The following BRAF variants were observed in gnomAD, a reference collection of about 807,000 sequenced individuals.
BRAF encodes B-Raf proto-oncogene, serine/threonine kinase, also known as serine/threonine-protein kinase B-raf.
Under a neutral mutation model 104.6 loss-of-function variants are expected in BRAF, and 16 were observed. The observed-to-expected ratio is 0.15, with a 90% CI of 0.10 to 0.23. BRAF has a LOEUF of 0.23. BRAF is among the 10% of genes least tolerant of loss of function. The pLI is 1.00. For missense variants in BRAF, 541 were observed against 937.3 expected (o/e 0.58, Z 5.52); for synonymous variants, 310 against 341.6 (o/e 0.91, Z 1.02).
intron 1 of BRAF, among the ~76,000 whole-genome samples, chr7:140,902,459 C>T (rs1219892784): frequency 6.6e-6 from 1 of 152,150 alleles, no homozygotes; most frequent in Non-Finnish European, 1.5e-5. Context: ...TCTAAGTGTT[C>T]AAGTGAAACC....
At position 140,719,706 on chromosome 7, in the gene BRAF, T is replaced by C; in HGVS notation, c.*6788A>G. 1 of 1,061,164 alleles carries C rather than the reference T, an allele frequency of 9.4e-7. No homozygotes were observed. The allele number at this position is 1,061,164 out of a possible 1,614,324, so 65.7% of individuals were successfully genotyped here. A position where few individuals can be genotyped will look rare whatever the true frequency, so the allele number is the denominator to read the frequency against. On this transcript the variant is annotated 3_prime_UTR_variant, in exon 20 of 20. Coordinates refer to ENST00000644969, the MANE Select transcript of BRAF (RefSeq NM_001374258.1). ...CCATTTGACTGAAAATAAATGTCTT[T>C]TTTATGAATTGAAAAATAAGCTTTA...
chr7:140,870,649 C>CT (rs33997496), intron 1 of BRAF, among the ~76,000 whole-genome samples: 31,839 of 149,398 alleles, frequency 0.21, 4,357 homozygotes, highest in African/African-American at 0.38. Flanking sequence ...AAAAAAAAAC[C>CT]TAGTCTATCT....
chr7:140,827,177 T>G (rs910378273), intron 3 of BRAF, among the ~76,000 whole-genome samples: 5 of 152,204 alleles, frequency 3.3e-5, no homozygotes, highest in Non-Finnish European at 7.3e-5. Flanking sequence ...TTCTACTTGG[T>G]TCTTTCTTAG....
At chr7:140,795,373 G>A (rs749434201) in intron 7 of BRAF, among the ~76,000 whole-genome samples, 1 of 152,158 alleles carries the variant, frequency 6.6e-6, no homozygotes, top group Non-Finnish European at 1.5e-5. Context: ...GAGGTAAGCT[G>A]TCTCACTTAA....
chr7:140,742,770 T>C (rs1182599562), intron 17 of BRAF, among the ~76,000 whole-genome samples: 1 of 152,032 alleles, frequency 6.6e-6, no homozygotes, highest in Non-Finnish European at 1.5e-5. Flanking sequence ...GAAACTACCA[T>C]CAGAGTGAAC....
Position 140,725,426 on chromosome 7 carries a change from G to T in BRAF, c.*1068C>A, listed in dbSNP as rs1795545632. On this transcript the variant is annotated 3_prime_UTR_variant, in exon 20 of 20. Transcript: ENST00000644969. The stretch of plus-strand genomic sequence containing the variant: ...ATATATAATTCTGGTGGGAAGTATT[G>T]TTTTTTTCCAATTCAATTAAATCTG... 1 of 950,124 alleles carries T rather than the reference G, an allele frequency of 1.1e-6. No homozygotes were observed. The highest frequency in any genetic ancestry group is 1.3e-6 in the Non-Finnish European group (1 of 781,292). 58.9% of individuals were successfully genotyped at this position (950,124 alleles called of 1,614,324 possible).
chr7:140,731,902 T>G (rs1056318899), intron 19 of BRAF: 3 of 151,836 alleles, frequency 2.0e-5, no homozygotes, highest in Admixed American at 2.0e-4. Context: ...CCGGGCGCGG[T>G]GGCTCACGCC....
At position 140,721,972 on chromosome 7, in the gene BRAF, T is replaced by C; in HGVS notation, c.*4522A>G. Reference sequence around the variant, plus strand: ...TTGGCAGCAGTACTCTGGAAACTGATAAAACCAAATTCGGTCCTATATTTC... The same window carrying C: ...TTGGCAGCAGTACTCTGGAAACTGACAAAACCAAATTCGGTCCTATATTTC... On this transcript the variant is annotated 3_prime_UTR_variant, in exon 20 of 20. Transcript: ENST00000644969. 1 of 1,217,748 alleles carries C rather than the reference T, an allele frequency of 8.2e-7. No homozygotes were observed. Among genetic ancestry groups the C allele is most frequent in the East Asian group, 3.4e-5 (1 of 29,530 alleles). 75.4% of individuals were successfully genotyped at this position (1,217,748 alleles called of 1,614,324 possible). A position where few individuals can be genotyped will look rare whatever the true frequency, so the allele number is the denominator to read the frequency against.
intron 14 of BRAF, among the ~76,000 whole-genome samples, chr7:140,766,463 A>T (rs983669004): frequency 6.6e-6 from 1 of 152,080 alleles, no homozygotes; most frequent in Non-Finnish European, 1.5e-5. Flanking sequence ...AAACAACAAC[A>T]AAAAAGAAAA....
Position 140,876,491 on chromosome 7 carries a change from G to A in BRAF, c.139-26279C>T, listed in dbSNP as rs550811404. 1.1e-4 allele frequency among the ~76,000 whole-genome samples: 16 copies of A among 152,260 alleles called. No individual in the cohort carries two copies. The South Asian group carries it at 1.4e-3, about 14-fold the overall frequency. ...AACATGCCAAAATTACATTAAATGT[G>A]AATAGTCTATAGATACAAATTAAAA... On this transcript the variant is annotated intron_variant, in intron 1 of 19. Coordinates refer to ENST00000644969, the MANE Select transcript of BRAF (RefSeq NM_001374258.1).
intron 1 of BRAF, among the ~76,000 whole-genome samples, chr7:140,878,455 T>C (rs1437063991): frequency 1.3e-5 from 2 of 152,116 alleles, no homozygotes; most frequent in Non-Finnish European, 2.9e-5. Context: ...GCAATGAATA[T>C]TCTCAAGAAA....
chr7:140,784,341 G>A lies in BRAF; in HGVS notation c.1298-1184C>T, dbSNP rs555534880. 1.1e-4 allele frequency among the ~76,000 whole-genome samples: 16 copies of A among 152,204 alleles called. No individual in the cohort carries two copies. The South Asian group carries it at 1.5e-3, about 14-fold the overall frequency. ...AAATGGTATCCACAATGTCTATTAA[G>A]TAGAGCACAATCCATTTTCTACCTT... is the stretch of plus-strand genomic sequence containing the variant. On this transcript the variant is annotated intron_variant, in intron 10 of 19. Coordinates refer to ENST00000644969, the MANE Select transcript of BRAF (RefSeq NM_001374258.1).
chr7:140,757,988 C>T (rs1199932582), intron 14 of BRAF: 3 of 152,176 alleles, frequency 2.0e-5, no homozygotes, highest in African/African-American at 7.2e-5. Context: ...TATTGCTATG[C>T]CATTTGGCTA....
intron 12 of BRAF, chr7:140,780,555 T>A (rs1800771872): frequency 6.6e-6 from 1 of 152,192 alleles, no homozygotes; most frequent in African/African-American, 2.4e-5. Flanking sequence ...AATACTGTCA[T>A]ATAAAAAATT....
chr7:140,902,533 A>G (rs954136266), intron 1 of BRAF, among the ~76,000 whole-genome samples: 1 of 152,380 alleles, frequency 6.6e-6, no homozygotes, highest in East Asian at 1.9e-4. Flanking sequence ...TGAAGAAGGC[A>G]TGTTGAAAGG....
intron 3 of BRAF, among the ~76,000 whole-genome samples, chr7:140,818,330 T>G (rs75038484): frequency 1.3e-5 from 2 of 151,748 alleles, no homozygotes; most frequent in Admixed American, 1.3e-4. Flanking sequence ...TTTTTTTTTT[T>G]GAGATGGAGT....
intron 1 of BRAF, among the ~76,000 whole-genome samples, chr7:140,880,685 CCATGGG>C (rs1229284675): frequency 1.3e-5 from 2 of 152,036 alleles, no homozygotes; most frequent in African/African-American, 4.8e-5. Flanking sequence ...ACTCCTTGAT[CCATGGG>C]CTGCAGAATG....
intron 14 of BRAF, among the ~76,000 whole-genome samples, chr7:140,774,416 C>T (rs1800132302): frequency 6.6e-6 from 1 of 152,204 alleles, no homozygotes; most frequent in Non-Finnish European, 1.5e-5. Context: ...CAGACTGCAG[C>T]ACTATTCCAA....
At chr7:140,892,031 G>A (rs1252672753) in intron 1 of BRAF, among the ~76,000 whole-genome samples, 1 of 152,136 alleles carries the variant, frequency 6.6e-6, no homozygotes, top group Non-Finnish European at 1.5e-5. Context: ...CGAGGCAGGT[G>A]GATCATTTGA....
Sources: gnomAD v4.1 joint callset for allele counts (sites outside exome capture counted in the v4.1 genomes callset) on GRCh38, gnomAD v4.1.1 for gene constraint, MANE v1.5 for transcripts, NCBI Gene and HGNC (gene_info 2026-07-23, HGNC 2026-07-21) for gene names.